Variants in BUB1B observed in about 807,000 individuals in gnomAD.
The protein encoded by BUB1B is mitotic checkpoint serine/threonine-protein kinase BUB1 beta.
BUB1B carries 86 observed loss-of-function variants against 137.7 expected under a neutral mutation model. The ratio of observed to expected loss-of-function variants is 0.62; its 90% CI spans 0.52 to 0.75. BUB1B has a LOEUF of 0.75. BUB1B is among the 30% of genes least tolerant of loss of function. BUB1B has a pLI of 0.00. For missense variants in BUB1B, 1,130 were observed against 1,236.9 expected (o/e 0.91, Z 1.30); for synonymous variants, 420 against 417.9 (o/e 1.00, Z -0.06).
At chr15:40,208,525 C>CA (rs959879763) in intron 15 of BUB1B, 112 bp from the exon 16 acceptor site, 4 of 1,118,850 alleles carry the variant, frequency 3.6e-6, no homozygotes, top group Non-Finnish European at 5.1e-6. Flanking sequence ...GTGACAAGAG[C>CA]AAAACTCCAT....
chr15:40,172,953 C>A (rs1363540444), intron 4 of BUB1B, among the ~76,000 whole-genome samples: 1 of 152,012 alleles, frequency 6.6e-6, no homozygotes, highest in Admixed American at 6.6e-5. Context: ...TTGTCACTAG[C>A]CTAAATAATA....
At chr15:40,172,249 A>C (rs1186718516) in intron 4 of BUB1B, among the ~76,000 whole-genome samples, 1 of 152,088 alleles carries the variant, frequency 6.6e-6, no homozygotes, top group African/African-American at 2.4e-5. Context: ...GTAAGAAATA[A>C]ATTTCTTACT....
At chr15:40,166,761 C>T (rs1052753070) in intron 2 of BUB1B, among the ~76,000 whole-genome samples, 3 of 152,220 alleles carry the variant, frequency 2.0e-5, no homozygotes, top group African/African-American at 7.2e-5. Flanking sequence ...CTACCAGCAA[C>T]TCATGAGAGT....
Position 40,185,181 on chromosome 15 carries a change from A to T in BUB1B, c.768A>T (p.Arg256Ser). The T allele has an allele frequency of 6.2e-7, 1 of 1,614,056 alleles. No individual in the cohort carries two copies. The highest frequency in any genetic ancestry group is 8.5e-7 in the Non-Finnish European group (1 of 1,179,926). Residue 256 changes from arginine to serine, a missense_variant, in exon 7 of 23, where the codon AGA becomes AGT. Physicochemically the swap from Arg to Ser is moderately radical, Grantham distance 110. Coordinates refer to ENST00000287598, the MANE Select transcript of BUB1B (RefSeq NM_001211.6). ...GGALKAPSQNRGLQNPFPQQM... is the reference protein window; with the variant it reads ...GGALKAPSQNSGLQNPFPQQM... ...TGCTCCTAGCTCCAAGCCAGAACAG[A>T]GGACTCCAAAATCCATTTCCTCAAC...
rs2037173158 is a variant in BUB1B at position 40,172,267 on chromosome 15, TAAG to T, written c.384+1587_384+1589del. Among the ~76,000 whole-genome samples, 3 of 152,080 alleles carry T rather than the reference TAAG, an allele frequency of 2.0e-5. No homozygotes were observed. The East Asian group carries it at 5.8e-4, about 29-fold the overall frequency. ...AGAAATAAATTTCTTACTAAAGTCT[TAAG>T]GAGGACTGATTTTAAACTTCCAATA... On this transcript the variant is annotated intron_variant, in intron 4 of 22. Transcript: ENST00000287598.
intron 15 of BUB1B, among the ~76,000 whole-genome samples, chr15:40,207,102 G>C (rs976485291): frequency 7.2e-5 from 11 of 152,156 alleles, no homozygotes; most frequent in African/African-American, 2.2e-4. Flanking sequence ...GAGCCACTGT[G>C]CCTGGCCAGC....
chr15:40,162,487 C>T (rs562334447), intron 1 of BUB1B, among the ~76,000 whole-genome samples: 1 of 152,136 alleles, frequency 6.6e-6, no homozygotes, highest in African/African-American at 2.4e-5. Flanking sequence ...CAAGGGACAC[C>T]AGTTAAGAGG....
chr15:40,199,252 T>C (rs2037534327), intron 9 of BUB1B, among the ~76,000 whole-genome samples: 1 of 152,216 alleles, frequency 6.6e-6, no homozygotes, highest in South Asian at 2.1e-4. Context: ...ATTTTATTCT[T>C]TTTCCTAAAC....
At chr15:40,194,947 T>C (rs1173415577) in intron 8 of BUB1B, among the ~76,000 whole-genome samples, 1 of 152,228 alleles carries the variant, frequency 6.6e-6, no homozygotes, top group Non-Finnish European at 1.5e-5. Flanking sequence ...TCCTTCCTTA[T>C]CATAGCAGAG....
intron 2 of BUB1B, among the ~76,000 whole-genome samples, chr15:40,169,848 A>G (rs1296263460): frequency 1.3e-5 from 2 of 151,980 alleles, no homozygotes; most frequent in Non-Finnish European, 2.9e-5. Flanking sequence ...TCTAACCTCA[A>G]GTGATCCACC....
intron 20 of BUB1B, among the ~76,000 whole-genome samples, chr15:40,215,818 A>G (rs1016480809): frequency 2.6e-5 from 4 of 151,972 alleles, no homozygotes; most frequent in Non-Finnish European, 5.9e-5. Flanking sequence ...AGTGGTTCAC[A>G]TCTGCAATCC....
At chr15:40,195,056 T>G (rs961826210) in intron 8 of BUB1B, among the ~76,000 whole-genome samples, 1 of 152,142 alleles carries the variant, frequency 6.6e-6, no homozygotes, top group Non-Finnish European at 1.5e-5. Context: ...TACTTAGCGG[T>G]TATTTCTGAA....
intron 8 of BUB1B, among the ~76,000 whole-genome samples, chr15:40,191,525 A>G (rs1366546485): frequency 1.3e-5 from 2 of 152,236 alleles, no homozygotes; most frequent in Non-Finnish European, 2.9e-5. Flanking sequence ...TTTCACTGTC[A>G]TATCTAAGAA....
At chr15:40,194,065 G>A (rs1289094053) in intron 8 of BUB1B, among the ~76,000 whole-genome samples, 1 of 152,168 alleles carries the variant, frequency 6.6e-6, no homozygotes, top group South Asian at 2.1e-4. Flanking sequence ...TTATTGTGAA[G>A]TATTTTACTA....
rs376379876 is a variant in BUB1B, at chr15:40,199,616, C to T, written c.1290C>T (p.Ala430=). 19 of 1,612,830 alleles carry T rather than the reference C, an allele frequency of 1.2e-5. No homozygotes were observed. Among genetic ancestry groups the T allele is most frequent in the East Asian group, 6.7e-5 (3 of 44,844 alleles). ...FRKKLKEQRE[A]ELLTSAEKRA... ...CTCAAGCAACTTTACTGTTTCTAGC[C>T]GAGCTATTGACCAGTGCAGAGAAGA... Residue 430 remains alanine, a splice_region_variant and synonymous_variant, in exon 10 of 23, where the codon GCC becomes GCT. Coordinates refer to ENST00000287598, the MANE Select transcript of BUB1B (RefSeq NM_001211.6).
intron 12 of BUB1B, 166 bp from the exon 13 acceptor site, chr15:40,202,239 T>C: frequency 1.5e-6 from 1 of 645,416 alleles, no homozygotes; most frequent in Non-Finnish European, 2.7e-6. Context: ...TTTAGGTAAT[T>C]GGTAAATTGT....
intron 5 of BUB1B, among the ~76,000 whole-genome samples, chr15:40,180,642 C>CTTTTTTTTTT (rs71132149): frequency 2.9e-4 from 19 of 65,830 alleles, no homozygotes; most frequent in South Asian, 6.7e-4. Context: ...TTTTCTTTTT[C>CTTTTTTTTTT]TTTTTTTTTT....
At chr15:40,198,883 G>A (rs1480518600) in intron 9 of BUB1B, among the ~76,000 whole-genome samples, 1 of 152,078 alleles carries the variant, frequency 6.6e-6, no homozygotes, top group East Asian at 1.9e-4. Flanking sequence ...GAGCCCACAA[G>A]TTTGAGACCA....
intron 8 of BUB1B, 118 bp downstream of exon 8, chr15:40,185,760 C>T: frequency 1.1e-6 from 1 of 914,546 alleles, no homozygotes; most frequent in Non-Finnish European, 1.7e-6. Flanking sequence ...AGGCCAGGCG[C>T]AGTAGCTCAC....
Sources: allele counts gnomAD v4.1 joint callset (sites outside exome capture counted in the v4.1 genomes callset), GRCh38; gene constraint gnomAD v4.1.1; transcripts MANE v1.5; gene names NCBI Gene and HGNC (gene_info 2026-07-23, HGNC 2026-07-21).